The following CHSY1 variants were observed in gnomAD, a reference collection of about 807,000 sequenced individuals.
CHSY1 encodes the protein chondroitin sulfate synthase 1.
In CHSY1, 13 loss-of-function variants were observed where a neutral mutation model predicts 59.8. The ratio of observed to expected loss-of-function variants is 0.22; its 90% CI spans 0.14 to 0.35. CHSY1 has a LOEUF of 0.35. CHSY1 is among the 10% of genes least tolerant of loss of function. The probability of loss-of-function intolerance (pLI) is 1.00; values close to 1 mark genes in which losing one functional copy is unlikely to be tolerated. For missense variants in CHSY1, 947 were observed against 1,030.6 expected, an observed-to-expected ratio of 0.92 and a Z score of 1.11; for synonymous variants, 459 against 401.2, an observed-to-expected ratio of 1.14 and a Z score of -1.72.
In CHSY1 at chr15:101,236,827, A is replaced by T. The variant is rs530179010; in HGVS notation, c.321-1250T>A. ...GAGACAGAGCAAGACTCTGTCTCAA[A>T]AAAATAAATAAATAAAATAATTTTA... is the stretch of plus-strand genomic sequence containing the variant. On this transcript the variant is annotated intron_variant, in intron 1 of 2. Transcript: ENST00000254190. Among the ~76,000 whole-genome samples, 582 of 152,042 alleles carry T rather than the reference A, an allele frequency of 3.8e-3. 1 individual carries two copies. The highest frequency in any genetic ancestry group is 6.3e-3 in the Non-Finnish European group (428 of 67,990).
chr15:101,228,300 AG>A (rs1332922616), intron 2 of CHSY1, among the ~76,000 whole-genome samples: 1 of 152,166 alleles, frequency 6.6e-6, no homozygotes, highest in Non-Finnish European at 1.5e-5. Flanking sequence ...ACAGAGAGAA[AG>A]GGGCAGAAAT....
intron 2 of CHSY1, among the ~76,000 whole-genome samples, chr15:101,218,810 A>T (rs1033661803): frequency 6.6e-6 from 1 of 152,238 alleles, no homozygotes; most frequent in East Asian, 1.9e-4. Flanking sequence ...ACTGTTAAAC[A>T]CATGAGTATA....
At chr15:101,197,070 C>T (rs2038515998) in intron 2 of CHSY1, among the ~76,000 whole-genome samples, 1 of 152,026 alleles carries the variant, frequency 6.6e-6, no homozygotes, top group Non-Finnish European at 1.5e-5. Context: ...GATTTCTTCC[C>T]AAAGAAAGTG....
intron 2 of CHSY1, among the ~76,000 whole-genome samples, chr15:101,201,340 C>T (rs1444164018): frequency 6.6e-6 from 1 of 152,162 alleles, no homozygotes; most frequent in Non-Finnish European, 1.5e-5. Context: ...CTCAGCCTTC[C>T]GTGAATATCA....
intron 2 of CHSY1, chr15:101,188,096 CT>C (rs2038393654): frequency 1.0e-6 from 1 of 985,412 alleles, no homozygotes; most frequent in South Asian, 4.7e-5. Flanking sequence ...CATGACTGTC[CT>C]TCAGCACGTA....
At chr15:101,229,043 T>G (rs1035950509) in intron 2 of CHSY1, among the ~76,000 whole-genome samples, 11 of 152,178 alleles carry the variant, frequency 7.2e-5, no homozygotes, top group African/African-American at 2.4e-4. Context: ...CAGAACTAAA[T>G]TATCAGGTAA....
chr15:101,240,690 C>G (rs1026540885), intron 1 of CHSY1, among the ~76,000 whole-genome samples: 1 of 152,146 alleles, frequency 6.6e-6, no homozygotes, highest in Non-Finnish European at 1.5e-5. Flanking sequence ...TAGGACTTAA[C>G]CCATTTATGT....
chr15:101,180,802 T>C (rs1226195480), intron 2 of CHSY1, among the ~76,000 whole-genome samples: 2 of 152,154 alleles, frequency 1.3e-5, no homozygotes, highest in Admixed American at 6.5e-5. Flanking sequence ...CGTTAACTTA[T>C]CTCTCTTTTT....
At position 101,251,132 on chromosome 15, in the gene CHSY1, C is replaced by T; in HGVS notation, c.320+5G>A. The T allele has an allele frequency of 6.3e-7, 1 of 1,576,160 alleles. No individual in the cohort carries two copies. The highest frequency in any genetic ancestry group is 8.6e-7 in the Non-Finnish European group (1 of 1,165,624). The stretch of plus-strand genomic sequence containing the variant: ...GGAGGCGGTGCCCGGGGAGCAGGGG[C>T]TCACCTGTAGGCGGCCACGGCCCGA... On this transcript the variant is annotated splice_donor_5th_base_variant and intron_variant, in intron 1 of 2. Coordinates refer to ENST00000254190, the MANE Select transcript of CHSY1 (RefSeq NM_014918.5).
At chr15:101,206,319 G>C (rs1182818042) in intron 2 of CHSY1, among the ~76,000 whole-genome samples, 1 of 152,162 alleles carries the variant, frequency 6.6e-6, no homozygotes, top group Non-Finnish European at 1.5e-5. Context: ...CCAACGACCA[G>C]GTATTTGTTT....
At chr15:101,179,671 C>T (rs774520302) in intron 2 of CHSY1, among the ~76,000 whole-genome samples, 3 of 152,238 alleles carry the variant, frequency 2.0e-5, no homozygotes, top group Non-Finnish European at 2.9e-5. Context: ...GGCCTGCTTG[C>T]TCAGCACGGG....
intron 2 of CHSY1, among the ~76,000 whole-genome samples, chr15:101,186,147 CAAAAAAA>C (rs35398576): frequency 5.0e-5 from 4 of 79,592 alleles, no homozygotes; most frequent in African/African-American, 1.9e-4. Context: ...TTGTCTCTAC[CAAAAAAA>C]AAAAAAAAAA....
At chr15:101,215,570 A>C (rs147069885) in intron 2 of CHSY1, among the ~76,000 whole-genome samples, 1,683 of 152,342 alleles carry the variant, frequency 0.011, 24 homozygotes, top group African/African-American at 0.035. Context: ...CCCCGTCTCT[A>C]CTGAAAATAC....
intron 2 of CHSY1, chr15:101,186,827 CAA>C (rs1567088493): frequency 7.0e-4 from 7 of 9,972 alleles, no homozygotes; most frequent in Non-Finnish European, 1.9e-3. Flanking sequence ...AAAACAAAAA[CAA>C]AAACAAAAAC....
At chr15:101,197,866 C>T (rs912316598) in intron 2 of CHSY1, among the ~76,000 whole-genome samples, 5 of 152,076 alleles carry the variant, frequency 3.3e-5, no homozygotes, top group African/African-American at 4.8e-5. Context: ...CCTTGGTATA[C>T]GCTAAGAATT....
intron 2 of CHSY1, among the ~76,000 whole-genome samples, chr15:101,225,120 G>A (rs1377249381): frequency 6.6e-6 from 1 of 152,208 alleles, no homozygotes; most frequent in Non-Finnish European, 1.5e-5. Context: ...CTGCCTTGGT[G>A]TGCAGTGGCA....
At chr15:101,193,562 G>A (rs1236918215) in intron 2 of CHSY1, among the ~76,000 whole-genome samples, 2 of 152,340 alleles carry the variant, frequency 1.3e-5, no homozygotes, top group Middle Eastern at 3.4e-3. Flanking sequence ...CTCTCCAGCC[G>A]CAGTCACGCT....
chr15:101,195,521 C>A (rs941699644), intron 2 of CHSY1, among the ~76,000 whole-genome samples: 4 of 152,202 alleles, frequency 2.6e-5, no homozygotes, highest in Non-Finnish European at 4.4e-5. Context: ...CTTTTTATTA[C>A]ATTTTTTATT....
At chr15:101,219,864 T>C (rs1025373452) in intron 2 of CHSY1, among the ~76,000 whole-genome samples, 1 of 152,148 alleles carries the variant, frequency 6.6e-6, no homozygotes, top group African/African-American at 2.4e-5. Context: ...CCTCCCAAGT[T>C]CAAGCAATTA....
Sources: allele counts gnomAD v4.1 joint callset (sites outside exome capture counted in the v4.1 genomes callset), GRCh38; gene constraint gnomAD v4.1.1; transcripts MANE v1.5; gene names NCBI Gene and HGNC (gene_info 2026-07-23, HGNC 2026-07-21).